Variants in THSD7B observed in about 807,000 individuals in gnomAD.
THSD7B encodes the protein thrombospondin type-1 domain-containing protein 7B.
In THSD7B, 138 loss-of-function variants were observed where a neutral mutation model predicts 213.6. The observed-to-expected ratio is 0.65, with a 90% confidence interval of 0.56 to 0.74. THSD7B has a LOEUF of 0.74. Among genes scored for constraint, THSD7B ranks in the 30% least tolerant of loss-of-function variants. THSD7B has a pLI of 0.00. For missense variants in THSD7B, 1,931 were observed against 1,991.5 expected, an observed-to-expected ratio of 0.97 and a Z score of 0.58; for synonymous variants, 742 against 687.0, an observed-to-expected ratio of 1.08 and a Z score of -1.25.
intron 2 of THSD7B, among the ~76,000 whole-genome samples, chr2:136,960,201 C>T (rs762892494): frequency 6.6e-6 from 1 of 152,110 alleles, no homozygotes; most frequent in Non-Finnish European, 1.5e-5. Flanking sequence ...GATCATGGTT[C>T]ACTGTGGCCT....
chr2:137,116,260 G>T (rs1171401323), intron 5 of THSD7B, among the ~76,000 whole-genome samples: 1 of 152,158 alleles, frequency 6.6e-6, no homozygotes, highest in Non-Finnish European at 1.5e-5. Flanking sequence ...TCAACAACTG[G>T]TGCTAAAAGG....
chr2:137,473,670 T>G (rs1163147312), intron 15 of THSD7B, among the ~76,000 whole-genome samples: 2 of 152,212 alleles, frequency 1.3e-5, no homozygotes, highest in African/African-American at 4.8e-5. Context: ...ATACAATGAC[T>G]ACTAGTACAG....
chr2:137,585,844 G>A (rs1264262727), intron 17 of THSD7B, among the ~76,000 whole-genome samples: 1 of 152,184 alleles, frequency 6.6e-6, no homozygotes, highest in African/African-American at 2.4e-5. Flanking sequence ...TTCTGTAGAT[G>A]TCTATTAGGT....
chr2:137,285,285 T>C (rs1226494108), intron 12 of THSD7B, among the ~76,000 whole-genome samples: 1 of 152,142 alleles, frequency 6.6e-6, no homozygotes, highest in African/African-American at 2.4e-5. Flanking sequence ...ATTTTGAGCC[T>C]ATGTGTGTCT....
chr2:137,651,851 T>G lies in THSD7B; in HGVS notation c.3946-3650T>G, dbSNP rs562514336. Among the ~76,000 whole-genome samples the G allele has an allele frequency of 5.3e-5, 8 of 152,190 alleles. No individual in the cohort carries two copies. The South Asian group carries it at 1.2e-3, about 24-fold the overall frequency. ...GCATGTTGTTTAATTTCCATGTATT[T>G]GTGTAGTTTTTAAGGTTCCTCTTGT... On this transcript the variant is annotated intron_variant, in intron 21 of 27. Coordinates refer to ENST00000409968, the MANE Select transcript of THSD7B (RefSeq NM_001316349.2).
chr2:136,989,217 C>T (rs1235661282), intron 2 of THSD7B, among the ~76,000 whole-genome samples: 1 of 151,952 alleles, frequency 6.6e-6, no homozygotes, highest in Non-Finnish European at 1.5e-5. Flanking sequence ...GTTTGGTATA[C>T]AATACGGTTT....
intron 12 of THSD7B, among the ~76,000 whole-genome samples, chr2:137,287,342 A>T (rs1044560267): frequency 6.6e-6 from 1 of 152,186 alleles, no homozygotes; most frequent in Non-Finnish European, 1.5e-5. Flanking sequence ...TCTTCAGATT[A>T]TAACAAAAGG....
At chr2:137,408,135 C>G (rs1416057296) in intron 13 of THSD7B, among the ~76,000 whole-genome samples, 1 of 152,010 alleles carries the variant, frequency 6.6e-6, no homozygotes, top group Admixed American at 6.6e-5. Context: ...ACAACCATTT[C>G]TGCATTAACT....
Position 137,624,801 on chromosome 2 carries a change from T to C in THSD7B, c.3799+4075T>C, listed in dbSNP as rs1232993045. Among the ~76,000 whole-genome samples the C allele has an allele frequency of 7.9e-5, 12 of 151,974 alleles. 1 individual carries two copies. The highest frequency in any genetic ancestry group is 2.1e-4 in the South Asian group (1 of 4,828). On this transcript the variant is annotated intron_variant, in intron 20 of 27. Coordinates refer to ENST00000409968, the MANE Select transcript of THSD7B (RefSeq NM_001316349.2). Reference sequence around the variant, plus strand: ...TACCATCTCACACCAGTTAGAATGGTGATCATTAAAAAGTCAGGAAACAAC... The same window carrying C: ...TACCATCTCACACCAGTTAGAATGGCGATCATTAAAAAGTCAGGAAACAAC...
intron 2 of THSD7B, among the ~76,000 whole-genome samples, chr2:136,895,269 A>G (rs1683935401): frequency 6.6e-6 from 1 of 152,172 alleles, no homozygotes; most frequent in Non-Finnish European, 1.5e-5. Flanking sequence ...CTGAGTTTGA[A>G]GAGTGTAGAT....
At chr2:137,561,937 G>T (rs182113366) in intron 15 of THSD7B, among the ~76,000 whole-genome samples, 28 of 151,954 alleles carry the variant, frequency 1.8e-4, no homozygotes, top group Middle Eastern at 3.4e-3. Context: ...TTATCTTCTT[G>T]TGAGTTCTAA....
intron 12 of THSD7B, among the ~76,000 whole-genome samples, chr2:137,336,505 A>C (rs1684642158): frequency 6.6e-6 from 1 of 152,176 alleles, no homozygotes; most frequent in South Asian, 2.1e-4. Context: ...GAACTTAAAT[A>C]ACCTTCTATT....
intron 12 of THSD7B, among the ~76,000 whole-genome samples, chr2:137,323,243 T>C (rs553758286): frequency 1.2e-4 from 18 of 152,318 alleles, no homozygotes; most frequent in Middle Eastern, 3.4e-3. Flanking sequence ...CAGAGTAGAC[T>C]GGAATGAATG....
At chr2:137,480,002 G>A (rs1051931121) in intron 15 of THSD7B, among the ~76,000 whole-genome samples, 2 of 152,164 alleles carry the variant, frequency 1.3e-5, no homozygotes, top group African/African-American at 4.8e-5. Context: ...TGGACTTCTT[G>A]GGTCTTTCAT....
intron 15 of THSD7B, among the ~76,000 whole-genome samples, chr2:137,527,819 A>G (rs1294498977): frequency 6.6e-6 from 1 of 152,128 alleles, no homozygotes; most frequent in African/African-American, 2.4e-5. Flanking sequence ...ATATTAGGAC[A>G]GCACTCTGGA....
chr2:137,047,679 T>C (rs1388931499), intron 2 of THSD7B, among the ~76,000 whole-genome samples: 1 of 152,212 alleles, frequency 6.6e-6, no homozygotes, highest in Admixed American at 6.5e-5. Flanking sequence ...CAATGCCAGG[T>C]TGTTGCTTTG....
chr2:137,501,438 A>C (rs1679702757), intron 15 of THSD7B, among the ~76,000 whole-genome samples: 1 of 152,182 alleles, frequency 6.6e-6, no homozygotes, highest in Admixed American at 6.5e-5. Context: ...TTTGAAAAAA[A>C]AAATTTGGTA....
chr2:137,145,953 T>C (rs1294547185), intron 5 of THSD7B, among the ~76,000 whole-genome samples: 1 of 152,104 alleles, frequency 6.6e-6, no homozygotes, highest in Non-Finnish European at 1.5e-5. Flanking sequence ...CACAACTTCA[T>C]AGAAGACAAC....
intron 15 of THSD7B, among the ~76,000 whole-genome samples, chr2:137,552,037 T>A (rs973561230): frequency 2.0e-5 from 3 of 152,132 alleles, no homozygotes; most frequent in Non-Finnish European, 2.9e-5. Flanking sequence ...TCTCTGGAAA[T>A]TTCCTAACCC....
Sources: allele counts gnomAD v4.1 joint callset (sites outside exome capture counted in the v4.1 genomes callset), GRCh38; gene constraint gnomAD v4.1.1; transcripts MANE v1.5; gene names NCBI Gene and HGNC (gene_info 2026-07-23, HGNC 2026-07-21).